Variants in ERCC6 observed in about 807,000 individuals in gnomAD.
ERCC6 encodes the protein DNA excision repair protein ERCC-6.
ERCC6 carries 116 observed loss-of-function variants against 158.7 expected under a neutral mutation model. The ratio of observed to expected loss-of-function variants is 0.73; its 90% CI spans 0.63 to 0.85. The LOEUF is 0.85. ERCC6 is among the 40% of genes least tolerant of loss of function. The pLI, the probability that ERCC6 is intolerant of heterozygous loss-of-function variation, is 0.00. For synonymous variants in ERCC6, 678 were observed against 659.3 expected, an observed-to-expected ratio of 1.03 and a Z score of -0.43; for missense variants, 1,698 against 1,799.4, an observed-to-expected ratio of 0.94 and a Z score of 1.02.
chr10:49,471,836 G>C (rs1370542602), intron 16 of ERCC6, among the ~76,000 whole-genome samples: 1 of 152,158 alleles, frequency 6.6e-6, no homozygotes, highest in Non-Finnish European at 1.5e-5. Context: ...CTGTGGTGGG[G>C]GAGTGGGAGA....
chr10:49,505,795 C>T (rs1023111513), intron 6 of ERCC6, 89 bp downstream of exon 6: 33 of 1,509,914 alleles, frequency 2.2e-5, no homozygotes, highest in Middle Eastern at 3.4e-4. Flanking sequence ...CTTCAGGGCC[C>T]ACAGGTAACT....
In ERCC6 at chr10:49,510,342, G is replaced by A. The variant is rs12252365; in HGVS notation, c.1398-4330C>T. Among the ~76,000 whole-genome samples the A allele has an allele frequency of 3.4e-3, 514 of 152,142 alleles. 2 individuals are homozygous for A. The highest frequency in any genetic ancestry group is 0.012 in the African/African-American group (480 of 41,498). On this transcript the variant is annotated intron_variant, in intron 5 of 20. Transcript: ENST00000355832. ...TGGAAAGACACAGCTAGCTACCACC[G>A]TGCCATACCATGTATGCAGCCTCCT... is the stretch of plus-strand genomic sequence containing the variant.
intron 20 of ERCC6, chr10:49,460,160 C>T (rs1284150938): frequency 8.2e-6 from 5 of 607,798 alleles, no homozygotes; most frequent in African/African-American, 5.5e-5. Flanking sequence ...AATGCTGCTA[C>T]GGATCTTGGG....
Position 49,459,180 on chromosome 10 carries a change from T to C in ERCC6, c.4117A>G (p.Arg1373Gly). 2 of 1,614,236 alleles carry C rather than the reference T, an allele frequency of 1.2e-6. No homozygotes were observed. The highest frequency in any genetic ancestry group is 1.7e-6 in the Non-Finnish European group (2 of 1,180,046). Reference protein sequence around the residue: ...KDNVPEHFSGRAEDADSSSGP... With the variant: ...KDNVPEHFSGGAEDADSSSGP... ...GATGAAGAGTCTGCATCTTCTGCTC[T>C]TCCACTAAAATGCTCAGGGACATTA... Residue 1373 changes from arginine to glycine, a missense_variant, in exon 21 of 21, where the codon AGA becomes GGA. Coordinates refer to ENST00000355832, the MANE Select transcript of ERCC6 (RefSeq NM_000124.4).
chr10:49,535,074 C>A (rs1282816288), intron 1 of ERCC6, among the ~76,000 whole-genome samples: 1 of 152,148 alleles, frequency 6.6e-6, no homozygotes, highest in Non-Finnish European at 1.5e-5. Flanking sequence ...ATGGGCCATG[C>A]ATGGTCTGAT....
rs1002613848 is a variant in ERCC6 at position 49,457,588 on chromosome 10, G to A, written c.*1227C>T. 1 of 152,190 alleles carries A rather than the reference G, an allele frequency of 6.6e-6. No homozygotes were observed. The highest frequency in any genetic ancestry group is 1.5e-5 in the Non-Finnish European group (1 of 68,066). 9.4% of individuals were successfully genotyped at this position (152,190 alleles called of 1,614,324 possible). ...ATGAGAGAGATGTAAAGAAATAGCA[G>A]GGTAGGAGGGCAGGCATACTACAGA... On this transcript the variant is annotated 3_prime_UTR_variant, in exon 21 of 21. Coordinates refer to ENST00000355832, the MANE Select transcript of ERCC6 (RefSeq NM_000124.4).
rs957912146 is a variant in ERCC6 at position 49,456,076 on chromosome 10, T to C, written c.*2739A>G. 6.6e-6 allele frequency: 1 copy of C among 152,236 alleles called. No homozygotes were observed. Among genetic ancestry groups the C allele is most frequent in the Non-Finnish European group, 1.5e-5 (1 of 68,052 alleles). The allele number at this position is 152,236 out of a possible 1,614,324, so 9.4% of individuals were successfully genotyped here. On this transcript the variant is annotated 3_prime_UTR_variant, in exon 21 of 21. Coordinates refer to ENST00000355832, the MANE Select transcript of ERCC6 (RefSeq NM_000124.4). ...TGAAAAGTTAGTTGCAAAATAAGGA[T>C]GGTATAAGGCCATTAATATAAATTA...
intron 4 of ERCC6, among the ~76,000 whole-genome samples, chr10:49,525,596 AG>A (rs1837297022): frequency 1.3e-5 from 2 of 152,376 alleles, no homozygotes; most frequent in South Asian, 4.1e-4. Context: ...AAGGCTTAAT[AG>A]GAAGGAATCC....
At chr10:49,492,749 T>C (rs1851196438) in intron 8 of ERCC6, among the ~76,000 whole-genome samples, 1 of 152,242 alleles carries the variant, frequency 6.6e-6, no homozygotes, top group African/African-American at 2.4e-5. Context: ...TTTACTTCTG[T>C]ATCCACCTTC....
Position 49,470,458 on chromosome 10 carries a change from A to C in ERCC6, c.3502T>G (p.Phe1168Val), listed in dbSNP as rs1590405588. ...TTTTCCATTTGTTTATTCTCCCAAAAAGCTTCTGTTTGAGCCTGGCTGGGT... is the reference window on the plus strand; with the variant it reads ...TTTTCCATTTGTTTATTCTCCCAAACAGCTTCTGTTTGAGCCTGGCTGGGT... ...ERPSQAQTEAFWENKQMENNF... is the reference protein window; with the variant it reads ...ERPSQAQTEAVWENKQMENNF... Residue 1168 changes from phenylalanine (F) to valine (V), a missense_variant, in exon 18 of 21, where the codon TTT becomes GTT. Transcript: ENST00000355832. 5 of 1,613,978 alleles carry C rather than the reference A, an allele frequency of 3.1e-6. No individual in the cohort carries two copies. The highest frequency in any genetic ancestry group is 1.3e-5 in the African/African-American group (1 of 74,896).
intron 5 of ERCC6, among the ~76,000 whole-genome samples, chr10:49,510,360 A>T (rs886880199): frequency 6.6e-6 from 1 of 152,198 alleles, no homozygotes; most frequent in Non-Finnish European, 1.5e-5. Context: ...CCATGTATGC[A>T]GCCTCCTCAT....
At chr10:49,523,993 A>G in intron 5 of ERCC6, 40 bp downstream of exon 5, 1 of 1,609,670 alleles carries the variant, frequency 6.2e-7, no homozygotes, top group Non-Finnish European at 8.5e-7. Flanking sequence ...CCTAAGATAA[A>G]GCAAACAGTA....
At position 49,524,223 on chromosome 10, in the gene ERCC6, C is replaced by T. The variant is rs770164527; in HGVS notation, c.1207G>A (p.Glu403Lys). 6.2e-7 allele frequency: 1 copy of T among 1,614,128 alleles called. No individual in the cohort carries two copies. The highest frequency in any genetic ancestry group is 1.1e-5 in the South Asian group (1 of 91,078). The change falls in exon 5 of 21, where the codon GAG (glutamate) becomes AAG (lysine). Residue 403 changes from glutamate (E) to lysine (K), a missense_variant. By Grantham distance (56) the Glu-to-Lys change is moderately conservative (BLOSUM62 1). Transcript: ENST00000355832. Reference sequence around the variant, plus strand: ...CCGCCCTTGGGCAGAGGCTTCAGCTCATAGTCAGTACCATCTCCAGACAGG... The same window carrying T: ...CCGCCCTTGGGCAGAGGCTTCAGCTTATAGTCAGTACCATCTCCAGACAGG... ...ADLSGDGTDYELKPLPKGGKR... is the reference protein window; with the variant it reads ...ADLSGDGTDYKLKPLPKGGKR...
chr10:49,532,700 C>G lies in ERCC6; in HGVS notation c.265G>C (p.Ala89Pro). The part of the protein sequence containing the change: ...QIQAVEPSAQ[A>P]LELQGLGVDV... ...ACACCCAAACCCTGCAGCTCAAGGG[C>G]CTGGGCGCTAGGCTCTACTGCCTGG... is the stretch of plus-strand genomic sequence containing the variant. The change falls in exon 2 of 21, where the codon GCC becomes CCC. Residue 89 changes from alanine to proline, a missense_variant. Ala to Pro is a conservative substitution (Grantham distance 27). Transcript: ENST00000355832. The G allele has an allele frequency of 1.2e-6, 2 of 1,614,212 alleles. No individual in the cohort carries two copies. Among genetic ancestry groups the G allele is most frequent in the Non-Finnish European group, 1.7e-6 (2 of 1,180,038 alleles).
chr10:49,466,417 A>G (rs528665931), intron 18 of ERCC6, among the ~76,000 whole-genome samples: 2 of 152,320 alleles, frequency 1.3e-5, no homozygotes, highest in East Asian at 1.9e-4. Context: ...AAAGGGCCCT[A>G]GGGTGCTGAA....
At chr10:49,505,120 A>G (rs1361486742) in intron 6 of ERCC6, 1 of 152,148 alleles carries the variant, frequency 6.6e-6, no homozygotes, top group Non-Finnish European at 1.5e-5. Context: ...TAATGGTTTA[A>G]CTTCCTATAT....
At position 49,482,843 on chromosome 10, in the gene ERCC6, G is replaced by A. The variant is rs546407915; in HGVS notation, c.2013C>T (p.Ile671=). The A allele has an allele frequency of 2.4e-5, 39 of 1,613,912 alleles. No individual in the cohort carries two copies. The highest frequency in any genetic ancestry group is 3.1e-5 in the Non-Finnish European group (37 of 1,179,988). Residue 671 remains isoleucine, a synonymous_variant, in exon 10 of 21, where the codon ATC becomes ATT. Coordinates refer to ENST00000355832, the MANE Select transcript of ERCC6 (RefSeq NM_000124.4). The stretch of plus-strand genomic sequence containing the variant: ...TTTGCATCGGTGAGCCAGACAGAAT[G>A]ATCCGATGAGGGGTGCGAAACTATT... ...ACKQFRTPHR[I]ILSGSPMQNN... is the part of the protein sequence containing the mutation.
At chr10:49,439,051 G>A in the ERCC6 span, among the ~76,000 whole-genome samples, 21 of 152,216 alleles carry the variant, frequency 1.4e-4, no homozygotes, top group African/African-American at 4.3e-4. Flanking sequence ...CAGGTGCACA[G>A]TGCAAACTGT....
At chr10:49,445,643 A>C in the ERCC6 span, among the ~76,000 whole-genome samples, 1 of 152,256 alleles carries the variant, frequency 6.6e-6, no homozygotes, top group African/African-American at 2.4e-5. Context: ...CCTTCTAAAC[A>C]AGAAATGTTA....
Sources: allele counts gnomAD v4.1 joint callset (sites outside exome capture counted in the v4.1 genomes callset), GRCh38; gene constraint gnomAD v4.1.1; transcripts MANE v1.5; gene names NCBI Gene and HGNC (gene_info 2026-07-23, HGNC 2026-07-21).